MYO5B: variants seen among roughly 807,000 people sequenced by gnomAD.
MYO5B encodes the protein unconventional myosin-Vb.
Under a neutral mutation model 229.3 loss-of-function variants are expected in MYO5B, and 143 were observed. The observed-to-expected ratio is 0.62, with a 90% CI of 0.54 to 0.72. The LOEUF is 0.72. MYO5B is among the 30% of genes least tolerant of loss of function. The pLI is 0.00. For missense variants in MYO5B, 2,321 were observed against 2,331.0 expected (o/e 1.00, Z 0.09); for synonymous variants, 918 against 885.2 (o/e 1.04, Z -0.66).
intron 1 of MYO5B, among the ~76,000 whole-genome samples, chr18:50,106,556 G>A (rs1006746042): frequency 3.3e-5 from 5 of 152,122 alleles, no homozygotes; most frequent in African/African-American, 1.2e-4. Flanking sequence ...CTTATTGCTA[G>A]GCCTTTACAG....
At chr18:49,858,925 C>G (rs923350512) in intron 29 of MYO5B, among the ~76,000 whole-genome samples, 23 of 152,350 alleles carry the variant, frequency 1.5e-4, no homozygotes, top group Non-Finnish European at 2.4e-4. Flanking sequence ...AGCGCCACCT[C>G]CTGGTGGGAA....
In MYO5B at chr18:50,030,876, GAAAAAAAAAAAAAAAAAAAAAAAA is replaced by G. The variant is rs869189090; in HGVS notation, c.455+5950_455+5973del. ...TCTGCAGCATCCCCACTCCCTTTCA[GAAAAAAAAAAAAAAAAAAAAAAAA>G]AAAAAAAAAAAAAAAAGCACAAATA... On this transcript the variant is annotated intron_variant, in intron 4 of 39. Coordinates refer to ENST00000285039, the MANE Select transcript of MYO5B (RefSeq NM_001080467.3). 6.4e-3 allele frequency among the ~76,000 whole-genome samples: 195 copies of G among 30,502 alleles called. 1 individual carries two copies. The highest frequency in any genetic ancestry group is 8.0e-3 in the Non-Finnish European group (137 of 17,216). 20.0% of individuals were successfully genotyped at this position (30,502 alleles called of 152,430 possible).
intron 9 of MYO5B, among the ~76,000 whole-genome samples, chr18:49,978,851 C>A (rs1310847980): frequency 6.6e-6 from 1 of 152,032 alleles, no homozygotes; most frequent in Non-Finnish European, 1.5e-5. Flanking sequence ...GGTCCACAGA[C>A]CACAGAGCAC....
At chr18:49,831,946 T>C (rs2144022758) in intron 39 of MYO5B, among the ~76,000 whole-genome samples, 1 of 152,322 alleles carries the variant, frequency 6.6e-6, no homozygotes, top group South Asian at 2.1e-4. Context: ...ACAACATGGA[T>C]GACCTTTGAG....
At chr18:50,134,283 C>T (rs568839898) in intron 1 of MYO5B, among the ~76,000 whole-genome samples, 171 of 151,796 alleles carry the variant, frequency 1.1e-3, no homozygotes, top group South Asian at 4.0e-3. Flanking sequence ...TGGCAGGGCT[C>T]GGTGGCTCAC....
At chr18:49,861,870 C>T (rs375808723) in intron 29 of MYO5B, among the ~76,000 whole-genome samples, 94 of 152,330 alleles carry the variant, frequency 6.2e-4, no homozygotes, top group African/African-American at 2.2e-3. Context: ...GTGGCACTCA[C>T]AGTGCCACCT....
At chr18:50,179,597 G>C (rs1260234513) in intron 1 of MYO5B, among the ~76,000 whole-genome samples, 1 of 152,206 alleles carries the variant, frequency 6.6e-6, no homozygotes, top group African/African-American at 2.4e-5. Flanking sequence ...CAGCAGAGGT[G>C]AGAAGACAAG....
intron 10 of MYO5B, among the ~76,000 whole-genome samples, chr18:49,972,955 G>C (rs946366189): frequency 5.3e-5 from 8 of 151,984 alleles, no homozygotes; most frequent in African/African-American, 1.7e-4. Context: ...CTCATATCTT[G>C]GTTGCACTCC....
At chr18:49,947,685 TTTG>T (rs2025389642) in intron 14 of MYO5B, among the ~76,000 whole-genome samples, 1 of 152,152 alleles carries the variant, frequency 6.6e-6, no homozygotes, top group African/African-American at 2.4e-5. Context: ...TTTCTCACAA[TTTG>T]TCCCCTTCGA....
chr18:49,935,471 G>C (rs988452938), intron 16 of MYO5B, among the ~76,000 whole-genome samples: 15 of 152,178 alleles, frequency 9.9e-5, no homozygotes, highest in Admixed American at 9.8e-4. Context: ...CTCATGGGTG[G>C]ATGAGATAAC....
At chr18:49,827,096 T>G (rs2023856281) in intron 39 of MYO5B, among the ~76,000 whole-genome samples, 1 of 152,208 alleles carries the variant, frequency 6.6e-6, no homozygotes, top group South Asian at 2.1e-4. Flanking sequence ...CCCTAGGGAT[T>G]GGTCCCTCCA....
At chr18:50,026,875 T>C (rs908844698) in intron 4 of MYO5B, among the ~76,000 whole-genome samples, 9 of 152,208 alleles carry the variant, frequency 5.9e-5, no homozygotes, top group African/African-American at 9.6e-5. Flanking sequence ...CTGGTGCAAA[T>C]TGAGGTGAAC....
rs763126730 is a variant in MYO5B, at chr18:49,936,338, G to A, written c.1917C>T (p.Ser639=). 1.3e-6 allele frequency: 2 copies of A among 1,596,516 alleles called. No individual in the cohort carries two copies. Among genetic ancestry groups the A allele is most frequent in the Admixed American group, 3.5e-5 (2 of 57,534 alleles). Residue 639 remains serine, a synonymous_variant, in exon 16 of 40, where the codon TCC becomes TCT. Coordinates refer to ENST00000285039, the MANE Select transcript of MYO5B (RefSeq NM_001080467.3). ...KKTVGHQFRT[S]LHLLMETLNA... is the part of the protein sequence containing the mutation. ...TCAGGGTCTCCATGAGCAGATGCAG[G>A]GAGGTACGGAACTAGAGAGACAAAA...
At chr18:49,936,408 G>A in intron 15 of MYO5B, 59 bp from the exon 16 acceptor site, 1 of 1,236,090 alleles carries the variant, frequency 8.1e-7, no homozygotes, top group Non-Finnish European at 1.2e-6. Flanking sequence ...GTGTGATAAA[G>A]AAAAACTCAT....
chr18:49,854,071 T>A (rs922814913), intron 30 of MYO5B, among the ~76,000 whole-genome samples: 3 of 152,268 alleles, frequency 2.0e-5, no homozygotes, highest in Admixed American at 6.5e-5. Flanking sequence ...CTGGCAAAAC[T>A]GAGCTAATTA....
intron 4 of MYO5B, among the ~76,000 whole-genome samples, chr18:50,007,427 TCTC>T (rs1294556844): frequency 6.6e-6 from 1 of 152,140 alleles, no homozygotes; most frequent in Non-Finnish European, 1.5e-5. Flanking sequence ...CAGCCTGTAC[TCTC>T]CTCCTCCTCT....
At chr18:50,013,508 GC>G (rs2026183989) in intron 4 of MYO5B, among the ~76,000 whole-genome samples, 1 of 152,294 alleles carries the variant, frequency 6.6e-6, no homozygotes, top group South Asian at 2.1e-4. Context: ...AAAACAGCCA[GC>G]CCTCTTGAGA....
At chr18:50,046,196 C>T (rs544044574) in intron 2 of MYO5B, among the ~76,000 whole-genome samples, 120 of 152,340 alleles carry the variant, frequency 7.9e-4, no homozygotes, top group African/African-American at 2.8e-3. Context: ...CCCCTGTATT[C>T]AACTCCTGGT....
chr18:50,114,899 G>T (rs1160750538), intron 1 of MYO5B, among the ~76,000 whole-genome samples: 1 of 152,212 alleles, frequency 6.6e-6, no homozygotes, highest in Non-Finnish European at 1.5e-5. Context: ...CCCTCCTCCA[G>T]ACCAAAGTTG....
Sources: gnomAD v4.1 joint callset for allele counts (sites outside exome capture counted in the v4.1 genomes callset) on GRCh38, gnomAD v4.1.1 for gene constraint, MANE v1.5 for transcripts, NCBI Gene and HGNC (gene_info 2026-07-23, HGNC 2026-07-21) for gene names.